Variants in PGGT1B observed in about 807,000 individuals in gnomAD.
The protein encoded by PGGT1B is protein geranylgeranyltransferase type I subunit beta.
Under a neutral mutation model 46.1 loss-of-function variants are expected in PGGT1B, and 30 were observed. The observed-to-expected ratio is 0.65, with a 90% CI of 0.49 to 0.88. PGGT1B has a LOEUF of 0.88. PGGT1B is among the 40% of genes least tolerant of loss of function. The pLI, the probability that PGGT1B is intolerant of heterozygous loss-of-function variation, is 0.00. For missense variants in PGGT1B, 376 were observed against 455.9 expected, an observed-to-expected ratio of 0.82 and a Z score of 1.60; for synonymous variants, 170 against 160.0, an observed-to-expected ratio of 1.06 and a Z score of -0.47.
Position 115,211,531 on chromosome 5 carries a change from T to C in PGGT1B, c.*871A>G, listed in dbSNP as rs1180570806. On this transcript the variant is annotated 3_prime_UTR_variant, in exon 9 of 9. Coordinates refer to ENST00000419445, the MANE Select transcript of PGGT1B (RefSeq NM_005023.4). ...GGGGCAATAAATTAAAAACTTCAAA[T>C]GGCTAAAAATGAAAACACAAAGTAT... The C allele has an allele frequency of 7.4e-6, 1 of 135,402 alleles. No homozygotes were observed. The highest frequency in any genetic ancestry group is 2.8e-5 in the African/African-American group (1 of 35,590). The allele number at this position is 135,402 out of a possible 1,614,324, so 8.4% of individuals were successfully genotyped here. A position where few individuals can be genotyped will look rare whatever the true frequency, so the allele number is the denominator to read the frequency against.
chr5:115,238,130 T>C (rs1447639287), intron 3 of PGGT1B, 121 bp from the exon 4 acceptor site: 5 of 567,586 alleles, frequency 8.8e-6, no homozygotes, highest in East Asian at 3.1e-5. Flanking sequence ...CTGATTTGTA[T>C]AGACATCTTA....
At chr5:115,241,802 T>C (rs1240536415) in intron 2 of PGGT1B, among the ~76,000 whole-genome samples, 196 bp from the exon 3 acceptor site, 1 of 152,112 alleles carries the variant, frequency 6.6e-6, no homozygotes, top group Non-Finnish European at 1.5e-5. Context: ...TCCATATGAG[T>C]CACAAAAAAC....
chr5:115,240,265 C>T lies in PGGT1B; in HGVS notation c.327+1274G>A, dbSNP rs577028542. On this transcript the variant is annotated intron_variant, in intron 3 of 8. Coordinates refer to ENST00000419445, the MANE Select transcript of PGGT1B (RefSeq NM_005023.4). ...AATGGTTTTTTCTTCAATTTTACTCCTGTTATTTTGAAAATGTTTTGGTGC... is the reference window on the plus strand; with the variant it reads ...AATGGTTTTTTCTTCAATTTTACTCTTGTTATTTTGAAAATGTTTTGGTGC... Among the ~76,000 whole-genome samples, 239 of 152,216 alleles carry T rather than the reference C, an allele frequency of 1.6e-3. 2 individuals carry two copies. The highest frequency in any genetic ancestry group is 5.8e-3 in the Admixed American group (88 of 15,296).
At chr5:115,233,934 C>T (rs1010927014) in intron 5 of PGGT1B, among the ~76,000 whole-genome samples, 2 of 151,872 alleles carry the variant, frequency 1.3e-5, no homozygotes, top group South Asian at 4.2e-4. Context: ...AATTCCACTA[C>T]CAGAAATTTA....
intron 4 of PGGT1B, among the ~76,000 whole-genome samples, chr5:115,236,763 C>T (rs1757195959): frequency 6.6e-6 from 1 of 152,088 alleles, no homozygotes; most frequent in South Asian, 2.1e-4. Flanking sequence ...GGTATTTTTA[C>T]ACACTACCAT....
At chr5:115,238,774 T>TAA (rs1285281913) in intron 3 of PGGT1B, among the ~76,000 whole-genome samples, 1 of 152,202 alleles carries the variant, frequency 6.6e-6, no homozygotes, top group Non-Finnish European at 1.5e-5. Flanking sequence ...AAAATGAAGA[T>TAA]ATTAGTACAT....
chr5:115,212,477 G>C lies in PGGT1B; in HGVS notation c.1059C>G (p.Arg353=). The C allele has an allele frequency of 6.2e-7, 1 of 1,611,872 alleles. No homozygotes were observed. The highest frequency in any genetic ancestry group is 1.3e-5 in the African/African-American group (1 of 74,924). ...TCCAGCTTTGATGGAGATCTAGAAG[G>C]CGTTCAGAAGTCCGTGTGCTTACAT... ...ALNVSTRTSE[R]LLDLHQSWKT... Residue 353 remains arginine (R), a synonymous_variant, in exon 9 of 9, where the codon CGC becomes CGG. Transcript: ENST00000419445.
At chr5:115,255,414 T>C (rs1460137163) in intron 1 of PGGT1B, among the ~76,000 whole-genome samples, 4 of 152,158 alleles carry the variant, frequency 2.6e-5, no homozygotes, top group Admixed American at 2.6e-4. Flanking sequence ...ACTCAAATAT[T>C]TACTGAACTA....
At chr5:115,222,446 A>C (rs930748786) in intron 6 of PGGT1B, among the ~76,000 whole-genome samples, 1 of 152,152 alleles carries the variant, frequency 6.6e-6, no homozygotes, top group Admixed American at 6.6e-5. Context: ...ACAAGTTAGA[A>C]GCTGATATAC....
At chr5:115,228,432 G>A (rs1756863196) in intron 6 of PGGT1B, among the ~76,000 whole-genome samples, 1 of 152,150 alleles carries the variant, frequency 6.6e-6, no homozygotes, top group Non-Finnish European at 1.5e-5. Flanking sequence ...TAAGTGATGT[G>A]GAGAAAGATA....
intron 1 of PGGT1B, among the ~76,000 whole-genome samples, chr5:115,259,550 G>A (rs576940030): frequency 2.4e-4 from 37 of 152,080 alleles, no homozygotes; most frequent in African/African-American, 8.0e-4. Flanking sequence ...TTAGCTGAGC[G>A]TGGTGGCACA....
At position 115,211,778 on chromosome 5, in the gene PGGT1B, C is replaced by T. The variant is rs906571048; in HGVS notation, c.*624G>A. On this transcript the variant is annotated 3_prime_UTR_variant, in exon 9 of 9. Coordinates refer to ENST00000419445, the MANE Select transcript of PGGT1B (RefSeq NM_005023.4). ...TACATAATAGTTGTCTTCAAACAAT[C>T]TCCTTTTAGAAAACTATCACATTAG... 5 of 152,158 alleles carry T rather than the reference C, an allele frequency of 3.3e-5. No individual in the cohort carries two copies. The highest frequency in any genetic ancestry group is 1.9e-4 in the East Asian group (1 of 5,192). 9.4% of individuals were successfully genotyped at this position (152,158 alleles called of 1,614,324 possible).
At chr5:115,232,895 G>GAT (rs1180803719) in intron 5 of PGGT1B, among the ~76,000 whole-genome samples, 1 of 151,760 alleles carries the variant, frequency 6.6e-6, no homozygotes, top group Non-Finnish European at 1.5e-5. Context: ...AAAATCAGGT[G>GAT]ATAAAGGAAA....
At chr5:115,216,735 T>G in intron 8 of PGGT1B, 130 bp downstream of exon 8, 1 of 665,326 alleles carries the variant, frequency 1.5e-6, no homozygotes, top group Non-Finnish European at 2.7e-6. Context: ...ACAATATACC[T>G]TTTAAAAAAT....
Position 115,238,291 on chromosome 5 carries a change from ATTTT to A in PGGT1B, c.328-286_328-283del, listed in dbSNP as rs35711954. On this transcript the variant is annotated intron_variant, in intron 3 of 8. Transcript: ENST00000419445. ...AATTATGTATTACTTATTTTTTTGGATTTTTTTTTTTTTTTTTTTTTTTTTTTTT... is the reference window on the plus strand; with the variant it reads ...AATTATGTATTACTTATTTTTTTGGATTTTTTTTTTTTTTTTTTTTTTTTT... 1.1e-3 allele frequency among the ~76,000 whole-genome samples: 50 copies of A among 46,962 alleles called. No homozygotes were observed. In the South Asian group the frequency reaches 0.015, roughly 14 times the overall value. The allele number at this position is 46,962 out of a possible 152,430, so 30.8% of individuals were successfully genotyped here. A position where few individuals can be genotyped will look rare whatever the true frequency, so the allele number is the denominator to read the frequency against.
chr5:115,216,557 T>C (rs1580743397), intron 8 of PGGT1B, among the ~76,000 whole-genome samples: 1 of 152,164 alleles, frequency 6.6e-6, no homozygotes, highest in East Asian at 1.9e-4. Flanking sequence ...CCTAAATAAT[T>C]CTCTTCTTTG....
intron 2 of PGGT1B, among the ~76,000 whole-genome samples, chr5:115,248,422 T>C (rs1747947334): frequency 6.6e-6 from 1 of 152,232 alleles, no homozygotes. Flanking sequence ...TGTAAAATGA[T>C]GGACTGTAAT....
chr5:115,227,385 C>A (rs920898842), intron 6 of PGGT1B, among the ~76,000 whole-genome samples: 1 of 152,166 alleles, frequency 6.6e-6, no homozygotes, highest in African/African-American at 2.4e-5. Flanking sequence ...ACACTCATTA[C>A]CCTGGTTATG....
intron 6 of PGGT1B, among the ~76,000 whole-genome samples, chr5:115,224,791 T>C (rs1756713142): frequency 6.7e-6 from 1 of 149,780 alleles, no homozygotes; most frequent in African/African-American, 2.5e-5. Flanking sequence ...GGACGATCCC[T>C]TGACTGCACC....
Sources: gnomAD v4.1 joint callset for allele counts (sites outside exome capture counted in the v4.1 genomes callset) on GRCh38, gnomAD v4.1.1 for gene constraint, MANE v1.5 for transcripts, NCBI Gene and HGNC (gene_info 2026-07-23, HGNC 2026-07-21) for gene names.